The following EIF4E variants were observed in gnomAD, a reference collection of about 807,000 sequenced individuals.
EIF4E encodes eIF-4F 25 kDa subunit.
For synonymous variants in EIF4E, 71 were observed against 88.5 expected (o/e 0.80, Z 1.11); for missense variants, 113 against 265.6 (o/e 0.43, Z 3.99).
At chr4:98,902,461 A>G (rs1347767250) in intron 1 of EIF4E, among the ~76,000 whole-genome samples, 4 of 152,176 alleles carry the variant, frequency 2.6e-5, no homozygotes, top group African/African-American at 4.8e-5. Context: ...CTCTATTCTC[A>G]TATCTCTTCA....
intron 1 of EIF4E, among the ~76,000 whole-genome samples, chr4:98,919,346 A>C (rs1725547787): frequency 2.1e-5 from 3 of 146,232 alleles, no homozygotes; most frequent in South Asian, 2.1e-4. Flanking sequence ...AAAAAAAAAA[A>C]CAAAAAAAAA....
chr4:98,883,634 A>T (rs183520025), intron 6 of EIF4E, among the ~76,000 whole-genome samples: 1 of 151,772 alleles, frequency 6.6e-6, no homozygotes, highest in Non-Finnish European at 1.5e-5. Flanking sequence ...CAATCTCCTG[A>T]CCTTGTGATC....
intron 1 of EIF4E, among the ~76,000 whole-genome samples, chr4:98,920,785 A>G (rs1335200402): frequency 1.3e-5 from 2 of 152,208 alleles, no homozygotes; most frequent in Non-Finnish European, 2.9e-5. Context: ...AGTTCAAATG[A>G]AAAAAATTTA....
chr4:98,901,256 G>A (rs1724635822), intron 2 of EIF4E, among the ~76,000 whole-genome samples: 1 of 149,046 alleles, frequency 6.7e-6, no homozygotes, highest in South Asian at 2.1e-4. Context: ...GGCAGGCAAT[G>A]GCGCGATCTC....
intron 1 of EIF4E, among the ~76,000 whole-genome samples, chr4:98,910,799 G>A (rs145543417): frequency 0.046 from 6,882 of 151,252 alleles, 501 homozygotes; most frequent in African/African-American, 0.16. Flanking sequence ...GCATGATCTC[G>A]GCTCACTGCA....
At chr4:98,907,176 A>G (rs11727079) in intron 1 of EIF4E, among the ~76,000 whole-genome samples, 28,995 of 152,118 alleles carry the variant, frequency 0.19, 3,673 homozygotes, top group Non-Finnish European at 0.28. Flanking sequence ...CCTCCTTCCT[A>G]AATTCCTTCT....
intron 1 of EIF4E, among the ~76,000 whole-genome samples, chr4:98,904,325 C>T (rs2110201918): frequency 6.6e-6 from 1 of 152,078 alleles, no homozygotes; most frequent in Non-Finnish European, 1.5e-5. Flanking sequence ...AATCCTCTTT[C>T]TCTCTCTCTC....
In EIF4E at chr4:98,885,698, T is replaced by C. The variant is rs561218898; in HGVS notation, c.400-637A>G. Reference sequence around the variant, plus strand: ...AACTCCTGAGTTTAAGTGAAATGCCTGCCTCAGCCTCCTGAAGTGTTGAGA... The same window carrying C: ...AACTCCTGAGTTTAAGTGAAATGCCCGCCTCAGCCTCCTGAAGTGTTGAGA... On this transcript the variant is annotated intron_variant, in intron 5 of 6. Coordinates refer to ENST00000450253, the MANE Select transcript of EIF4E (RefSeq NM_001968.5). Among the ~76,000 whole-genome samples the C allele has an allele frequency of 1.3e-3, 204 of 152,306 alleles. 1 individual carries two copies. The highest frequency in any genetic ancestry group is 1.6e-3 in the Non-Finnish European group (107 of 68,016).
At chr4:98,899,615 G>C (rs973389704) in intron 2 of EIF4E, among the ~76,000 whole-genome samples, 2 of 152,140 alleles carry the variant, frequency 1.3e-5, no homozygotes, top group Admixed American at 1.3e-4. Flanking sequence ...TTACAGCACT[G>C]TGTGTAAAAA....
At chr4:98,888,602 T>G (rs1724018532) in intron 3 of EIF4E, among the ~76,000 whole-genome samples, 1 of 152,226 alleles carries the variant, frequency 6.6e-6, no homozygotes, top group Non-Finnish European at 1.5e-5. Context: ...TCTAAACTAT[T>G]TCCCAAGTAT....
At chr4:98,903,921 G>C (rs1724753547) in intron 1 of EIF4E, among the ~76,000 whole-genome samples, 2 of 152,106 alleles carry the variant, frequency 1.3e-5, no homozygotes, top group African/African-American at 4.8e-5. Context: ...TAAAATTAAT[G>C]ATGGGTTTCC....
chr4:98,925,299 C>T (rs1195302627), intron 1 of EIF4E, among the ~76,000 whole-genome samples: 1 of 151,988 alleles, frequency 6.6e-6, no homozygotes, highest in Non-Finnish European at 1.5e-5. Flanking sequence ...TCTCTTACCT[C>T]AAAAGGAACT....
intron 1 of EIF4E, among the ~76,000 whole-genome samples, chr4:98,926,796 C>A (rs1725887765): frequency 6.6e-6 from 1 of 152,152 alleles, no homozygotes; most frequent in South Asian, 2.1e-4. Context: ...ACTTTGTATC[C>A]TAAAGAACAC....
At position 98,922,463 on chromosome 4, in the gene EIF4E, G is replaced by A. The variant is rs569616299; in HGVS notation, c.18+6632C>T. On this transcript the variant is annotated intron_variant, in intron 1 of 6. Coordinates refer to ENST00000450253, the MANE Select transcript of EIF4E (RefSeq NM_001968.5). Reference sequence around the variant, plus strand: ...CCCAGCTACTCAGGAGGCTGAAGCAGGAGAATCACTTGAACCCAGGAGGCG... The same window carrying A: ...CCCAGCTACTCAGGAGGCTGAAGCAAGAGAATCACTTGAACCCAGGAGGCG... Among the ~76,000 whole-genome samples, 16 of 151,948 alleles carry A rather than the reference G, an allele frequency of 1.1e-4. No homozygotes were observed. The East Asian group carries it at 2.3e-3, about 22-fold the overall frequency.
At chr4:98,901,767 C>CT in intron 2 of EIF4E, 109 bp downstream of exon 2, 1 of 1,031,186 alleles carries the variant, frequency 9.7e-7, no homozygotes, top group Non-Finnish European at 1.5e-6. Context: ...AACCCTCAAC[C>CT]TTAGCATATC....
intron 1 of EIF4E, among the ~76,000 whole-genome samples, chr4:98,917,294 C>T (rs1170286406): frequency 2.0e-5 from 3 of 152,086 alleles, no homozygotes; most frequent in Non-Finnish European, 4.4e-5. Flanking sequence ...AATCTTAAAA[C>T]AAGATACAGA....
chr4:98,926,875 C>T (rs1425892393), intron 1 of EIF4E, among the ~76,000 whole-genome samples: 1 of 152,216 alleles, frequency 6.6e-6, no homozygotes, highest in Non-Finnish European at 1.5e-5. Flanking sequence ...TCCTTCATCA[C>T]TTTGCAGTTC....
intron 1 of EIF4E, among the ~76,000 whole-genome samples, chr4:98,902,260 C>G (rs1373653833): frequency 6.6e-6 from 1 of 152,160 alleles, no homozygotes; most frequent in Non-Finnish European, 1.5e-5. Context: ...TTAGTAGAGA[C>G]GGGGTTTCAC....
At chr4:98,914,590 C>T (rs1725297498) in intron 1 of EIF4E, among the ~76,000 whole-genome samples, 1 of 151,914 alleles carries the variant, frequency 6.6e-6, no homozygotes, top group Admixed American at 6.6e-5. Context: ...AACTCTGTGA[C>T]ACTCTGGAAA....
Sources: gnomAD v4.1 joint callset for allele counts (sites outside exome capture counted in the v4.1 genomes callset) on GRCh38, gnomAD v4.1.1 for gene constraint, MANE v1.5 for transcripts, NCBI Gene and HGNC (gene_info 2026-07-23, HGNC 2026-07-21) for gene names.